ATP6V0D2: variants seen among roughly 807,000 people sequenced by gnomAD.
The protein encoded by ATP6V0D2 is V-type proton ATPase subunit d 2.
Under a neutral mutation model 40.0 loss-of-function variants are expected in ATP6V0D2, and 40 were observed. The ratio of observed to expected loss-of-function variants is 1.00; its 90% confidence interval spans 0.78 to 1.30. ATP6V0D2 has a LOEUF of 1.30. ATP6V0D2 is among the 50% of genes most tolerant of loss of function. ATP6V0D2 has a pLI of 0.00. For missense variants in ATP6V0D2, 470 were observed against 423.1 expected, an observed-to-expected ratio of 1.11 and a Z score of -0.97; for synonymous variants, 179 against 156.3, an observed-to-expected ratio of 1.15 and a Z score of -1.08.
Position 86,114,686 on chromosome 8 carries a change from A to T in ATP6V0D2, c.302+806A>T, listed in dbSNP as rs187293182. 2.6e-3 allele frequency among the ~76,000 whole-genome samples: 393 copies of T among 152,066 alleles called. 1 individual carries two copies. The highest frequency in any genetic ancestry group is 8.9e-3 in the African/African-American group (369 of 41,500). On this transcript the variant is annotated intron_variant, in intron 2 of 7. Coordinates refer to ENST00000285393, the MANE Select transcript of ATP6V0D2 (RefSeq NM_152565.1). Reference sequence around the variant, plus strand: ...CTCTATCTCAAAAATAAAATAAATTAAAAAAATTGAACTCCCACATAATAG... The same window carrying T: ...CTCTATCTCAAAAATAAAATAAATTTAAAAAATTGAACTCCCACATAATAG...
rs33955030 is a variant in ATP6V0D2, at chr8:86,145,370, G to GAAAGAAAAGAAAAGAA, written c.639+2418_639+2419insAGAAAAGAAAAGAAAA. Among the ~76,000 whole-genome samples the GAAAGAAAAGAAAAGAA allele has an allele frequency of 6.7e-3, 476 of 70,638 alleles. 10 individuals carry two copies. Among genetic ancestry groups the GAAAGAAAAGAAAAGAA allele is most frequent in the East Asian group, 0.015 (39 of 2,518 alleles). 46.3% of individuals were successfully genotyped at this position (70,638 alleles called of 152,430 possible). Reference sequence around the variant, plus strand: ...GGAAAGAAGGAAGGAAGGAAGGAAGGAAGGAAAGAAAAGAAAAGAAAAGAA... The same window carrying GAAAGAAAAGAAAAGAA: ...GGAAAGAAGGAAGGAAGGAAGGAAGGAAAGAAAAGAAAAGAAAAGGAAAGAAAAGAAAAGAAAAGAA... On this transcript the variant is annotated intron_variant, in intron 5 of 7. Transcript: ENST00000285393.
intron 5 of ATP6V0D2, among the ~76,000 whole-genome samples, chr8:86,145,123 G>A (rs933362243): frequency 6.0e-5 from 9 of 150,152 alleles, no homozygotes; most frequent in Admixed American, 4.7e-4. Flanking sequence ...AGCCGAGATC[G>A]TGCCACTGCT....
intron 2 of ATP6V0D2, among the ~76,000 whole-genome samples, chr8:86,120,849 C>T (rs1217899608): frequency 6.6e-6 from 1 of 152,164 alleles, no homozygotes; most frequent in Non-Finnish European, 1.5e-5. Context: ...ATAATGATCT[C>T]ACCACTGTCC....
intron 1 of ATP6V0D2, among the ~76,000 whole-genome samples, chr8:86,102,657 G>C (rs558988609): frequency 6.6e-6 from 1 of 152,224 alleles, no homozygotes; most frequent in Non-Finnish European, 1.5e-5. Context: ...AAAAGTGTTA[G>C]TATTCATAAT....
chr8:86,099,741 G>C (rs968679768), intron 1 of ATP6V0D2, among the ~76,000 whole-genome samples: 2 of 152,116 alleles, frequency 1.3e-5, no homozygotes, highest in Non-Finnish European at 2.9e-5. Context: ...TGATCCGACT[G>C]CCTTGGCCTC....
chr8:86,142,142 A>G (rs2130275219), intron 4 of ATP6V0D2, among the ~76,000 whole-genome samples: 1 of 152,172 alleles, frequency 6.6e-6, no homozygotes, highest in East Asian at 1.9e-4. Flanking sequence ...ACACACAGTA[A>G]CTGAACATAT....
Position 86,141,421 on chromosome 8 carries a change from T to C in ATP6V0D2, c.482-29T>C, listed in dbSNP as rs557015547. 60 of 1,576,210 alleles carry C rather than the reference T, an allele frequency of 3.8e-5. No homozygotes were observed. The South Asian group carries it at 5.9e-4, about 16-fold the overall frequency. On this transcript the variant is annotated intron_variant, in intron 3 of 7. Transcript: ENST00000285393. ...AGCTTATAATCTTGCTTAAGATTCA[T>C]TTTTTGGTATGGCAATTTCTGCTTT... is the stretch of plus-strand genomic sequence containing the variant.
chr8:86,132,259 T>A (rs183507163), intron 2 of ATP6V0D2, among the ~76,000 whole-genome samples: 3 of 152,280 alleles, frequency 2.0e-5, no homozygotes, highest in Non-Finnish European at 4.4e-5. Flanking sequence ...ATTTTTTTTT[T>A]ACAGTTATAG....
At chr8:86,108,939 G>A (rs1818502582) in intron 1 of ATP6V0D2, among the ~76,000 whole-genome samples, 2 of 152,228 alleles carry the variant, frequency 1.3e-5, no homozygotes, top group South Asian at 4.2e-4. Flanking sequence ...TTAAAATGGT[G>A]TAATCTATTT....
chr8:86,116,398 G>A (rs1025053240), intron 2 of ATP6V0D2, among the ~76,000 whole-genome samples: 8 of 151,690 alleles, frequency 5.3e-5, no homozygotes, highest in Non-Finnish European at 7.4e-5. Flanking sequence ...ATTTATTTCT[G>A]TTTTTACAGA....
chr8:86,141,705 G>C (rs1212086716), intron 4 of ATP6V0D2, among the ~76,000 whole-genome samples, 176 bp downstream of exon 4: 1 of 152,170 alleles, frequency 6.6e-6, no homozygotes, highest in Non-Finnish European at 1.5e-5. Context: ...ATGCATGTCA[G>C]CTTCCCCTAG....
At chr8:86,108,863 T>G (rs1452506931) in intron 1 of ATP6V0D2, among the ~76,000 whole-genome samples, 1 of 152,202 alleles carries the variant, frequency 6.6e-6, no homozygotes, top group Non-Finnish European at 1.5e-5. Flanking sequence ...AGAAAACGCA[T>G]GTTTATATTA....
intron 2 of ATP6V0D2, among the ~76,000 whole-genome samples, chr8:86,126,129 G>T (rs1177871122): frequency 6.7e-6 from 1 of 148,868 alleles, no homozygotes; most frequent in Non-Finnish European, 1.5e-5. Context: ...TAGAGACTGG[G>T]TTTTGCCATG....
chr8:86,143,059 T>C, intron 5 of ATP6V0D2, 105 bp downstream of exon 5: 1 of 708,948 alleles, frequency 1.4e-6, no homozygotes, highest in Admixed American at 2.6e-5. Context: ...TTTTTTAATC[T>C]AGAAGTAAGA....
intron 2 of ATP6V0D2, 21 bp from the exon 3 acceptor site, chr8:86,139,436 T>C (rs369673729): frequency 1.9e-6 from 3 of 1,583,470 alleles, no homozygotes; most frequent in East Asian, 2.2e-5. Context: ...CCTCTAATGA[T>C]TGAGTTGTCT....
chr8:86,144,187 C>A (rs140643477), intron 5 of ATP6V0D2, among the ~76,000 whole-genome samples: 165 of 152,312 alleles, frequency 1.1e-3, no homozygotes, highest in African/African-American at 3.8e-3. Context: ...TGTTGACCTG[C>A]ATATGCATGG....
At position 86,139,535 on chromosome 8, in the gene ATP6V0D2, G is replaced by A; in HGVS notation, c.381G>A (p.Gly127=). Residue 127 remains glycine, a synonymous_variant, in exon 3 of 8, where the codon GGG becomes GGA. Transcript: ENST00000285393. ...LQKKSVKEIL[G]KCHPLGRFTE... ...AAAAATCTGTGAAAGAAATTCTGGGGAAGTGCCACCCCTTGGGCCGTTTCA... is the reference window on the plus strand; with the variant it reads ...AAAAATCTGTGAAAGAAATTCTGGGAAAGTGCCACCCCTTGGGCCGTTTCA... 1 of 1,613,774 alleles carries A rather than the reference G, an allele frequency of 6.2e-7. No homozygotes were observed.
intron 2 of ATP6V0D2, among the ~76,000 whole-genome samples, chr8:86,132,384 T>C (rs1818837407): frequency 6.6e-6 from 1 of 152,166 alleles, no homozygotes; most frequent in Admixed American, 6.5e-5. Context: ...TTGTTAACTA[T>C]AGTCACTCTG....
intron 1 of ATP6V0D2, among the ~76,000 whole-genome samples, chr8:86,112,800 G>A (rs1354259734): frequency 6.6e-6 from 1 of 152,090 alleles, no homozygotes; most frequent in East Asian, 1.9e-4. Flanking sequence ...CAACCAAAAT[G>A]GATGACATTT....
Sources: allele counts gnomAD v4.1 joint callset (sites outside exome capture counted in the v4.1 genomes callset), GRCh38; gene constraint gnomAD v4.1.1; transcripts MANE v1.5; gene names NCBI Gene and HGNC (gene_info 2026-07-23, HGNC 2026-07-21).